PHLDB2: variants seen among roughly 807,000 people sequenced by gnomAD.
PHLDB2 encodes the protein pleckstrin homology-like domain family B member 2.
In PHLDB2, 71 loss-of-function variants were observed where a neutral mutation model predicts 123.6. The ratio of observed to expected loss-of-function variants is 0.57; its 90% CI spans 0.47 to 0.70. The LOEUF (loss-of-function observed/expected upper bound fraction) is 0.70. PHLDB2 is among the 30% of genes least tolerant of loss of function. The pLI is 0.00. For missense variants in PHLDB2, 1,446 were observed against 1,519.5 expected (o/e 0.95, Z 0.80); for synonymous variants, 547 against 541.6 (o/e 1.01, Z -0.14).
At chr3:111,829,699 T>A (rs2062842984) in intron 1 of PHLDB2, among the ~76,000 whole-genome samples, 1 of 152,038 alleles carries the variant, frequency 6.6e-6, no homozygotes, top group Non-Finnish European at 1.5e-5. Context: ...CCTGACCTGG[T>A]GATCCGCCCG....
At chr3:111,845,972 T>C (rs1452304688) in intron 2 of PHLDB2, 1 of 1,581,588 alleles carries the variant, frequency 6.3e-7, no homozygotes, top group South Asian at 1.1e-5. Context: ...CAGTACATAT[T>C]TACAAGTTCT....
At chr3:111,931,915 G>C (rs549797157) in intron 5 of PHLDB2, among the ~76,000 whole-genome samples, 2 of 152,264 alleles carry the variant, frequency 1.3e-5, no homozygotes, top group South Asian at 4.1e-4. Flanking sequence ...TCTTAGCAAG[G>C]CTTGCTTATG....
chr3:111,830,173 C>G (rs2062875285), intron 1 of PHLDB2, among the ~76,000 whole-genome samples: 1 of 152,092 alleles, frequency 6.6e-6, no homozygotes, highest in Non-Finnish European at 1.5e-5. Flanking sequence ...AGCAAAACAG[C>G]TTTTACTCTT....
At chr3:111,932,165 A>G in intron 5 of PHLDB2, 104 bp from the exon 6 acceptor site, 2 of 1,244,244 alleles carry the variant, frequency 1.6e-6, no homozygotes, top group Non-Finnish European at 2.2e-6. Context: ...GATTGTCCAG[A>G]GTTTGTGTAT....
At chr3:111,803,501 C>T (rs111811098) in intron 1 of PHLDB2, among the ~76,000 whole-genome samples, 9,812 of 151,662 alleles carry the variant, frequency 0.065, 394 homozygotes, top group Admixed American at 0.11. Flanking sequence ...TCCCAGAATT[C>T]GAGCTGTGAG....
chr3:111,915,812 G>A (rs981888310), intron 3 of PHLDB2: 7 of 152,256 alleles, frequency 4.6e-5, no homozygotes, highest in Admixed American at 4.6e-4. Flanking sequence ...ATCTGTTTCT[G>A]TGGGCAGAGA....
chr3:111,923,310 T>C (rs1559905638), intron 5 of PHLDB2, among the ~76,000 whole-genome samples: 1 of 152,184 alleles, frequency 6.6e-6, no homozygotes, highest in African/African-American at 2.4e-5. Context: ...ACAGCTCTTT[T>C]CTTGGTGCTT....
At chr3:111,932,479 G>A (rs563454157) in intron 6 of PHLDB2, 82 bp downstream of exon 6, 29 of 1,399,108 alleles carry the variant, frequency 2.1e-5, no homozygotes, top group African/African-American at 1.0e-4. Flanking sequence ...TGTGACTTAC[G>A]ACTTCATATA....
chr3:111,885,601 C>G (rs897811796), intron 2 of PHLDB2, 189 bp downstream of exon 2: 1 of 818,752 alleles, frequency 1.2e-6, no homozygotes, highest in Non-Finnish European at 2.0e-6. Context: ...GCTTGTTTGG[C>G]TATCTTGAAG....
chr3:111,884,557 T>A lies in PHLDB2; in HGVS notation c.480T>A (p.Asn160Lys), dbSNP rs1019382430. 5.6e-6 allele frequency: 9 copies of A among 1,613,936 alleles called. No homozygotes were observed. Among genetic ancestry groups the A allele is most frequent in the Admixed American group, 5.0e-5 (3 of 60,000 alleles). The change falls in exon 2 of 18, where the codon AAT becomes AAA. Residue 160 changes from asparagine (N) to lysine (K), a missense_variant. Coordinates refer to ENST00000431670, the MANE Select transcript of PHLDB2 (RefSeq NM_001134438.2). The part of the protein sequence containing the change: ...KYSSRHKSHD[N>K]VYSLGGLEGR... ...GCTCAAGGCATAAATCGCATGACAA[T>A]GTCTACTCTCTTGGAGGGCTGGAAG...
chr3:111,734,102 G>A (rs1220612478), intron 1 of PHLDB2, among the ~76,000 whole-genome samples: 1 of 152,138 alleles, frequency 6.6e-6, no homozygotes, highest in East Asian at 1.9e-4. Context: ...TGTGACTTTG[G>A]GTAAGTCTGT....
intron 3 of PHLDB2, chr3:111,913,957 A>T (rs1033617221): frequency 6.3e-6 from 3 of 477,106 alleles, no homozygotes; most frequent in Admixed American, 3.9e-5. Context: ...GCACCCTTTC[A>T]GGTTGTACAC....
At chr3:111,966,978 G>GT (rs1185297228) in intron 14 of PHLDB2, among the ~76,000 whole-genome samples, 4 of 149,014 alleles carry the variant, frequency 2.7e-5, no homozygotes, top group South Asian at 2.1e-4. Context: ...TTTTTTTTTT[G>GT]TTTTTTGTTT....
At chr3:111,789,484 T>C (rs1460097402) in intron 1 of PHLDB2, among the ~76,000 whole-genome samples, 1 of 152,222 alleles carries the variant, frequency 6.6e-6, no homozygotes, top group African/African-American at 2.4e-5. Flanking sequence ...AGAAGAAAGA[T>C]TTAACTGCTC....
chr3:111,818,070 G>C (rs553997527), intron 1 of PHLDB2, among the ~76,000 whole-genome samples: 14 of 152,054 alleles, frequency 9.2e-5, no homozygotes, highest in Admixed American at 2.6e-4. Context: ...AAAGGCCTTT[G>C]ATATAAGGTT....
rs769696743 is a variant in PHLDB2, at chr3:111,969,693, C to T, written c.3319C>T (p.Arg1107Cys). Residue 1107 changes from arginine to cysteine, a missense_variant, in exon 16 of 18, where the codon CGT (arginine) becomes TGT (cysteine). This residue lies in a region of PHLDB2 where 594 missense variants were observed against 646.0 expected (regional missense o/e 0.92). Transcript: ENST00000431670. ...AATGGGTTTTGCACTTTTCCAGGCT[C>T]GTCCTTTGACACGCTACCTGCCTGT... The part of the protein sequence containing the change: ...KIRERQRAQA[R>C]PLTRYLPVRK... 10 of 1,613,558 alleles carry T rather than the reference C, an allele frequency of 6.2e-6. No individual in the cohort carries two copies. Among genetic ancestry groups the T allele is most frequent in the Non-Finnish European group, 5.1e-6 (6 of 1,179,702 alleles).
At chr3:111,842,079 G>A (rs1576847742) in intron 1 of PHLDB2, among the ~76,000 whole-genome samples, 1 of 152,064 alleles carries the variant, frequency 6.6e-6, no homozygotes, top group Non-Finnish European at 1.5e-5. Context: ...GTAAATTTAG[G>A]GAAAAGTACC....
At chr3:111,817,698 A>G (rs1488759622) in intron 1 of PHLDB2, among the ~76,000 whole-genome samples, 1 of 152,292 alleles carries the variant, frequency 6.6e-6, no homozygotes, top group Admixed American at 6.5e-5. Context: ...CCAGGTAGAC[A>G]TAGCCCAGCG....
intron 1 of PHLDB2, among the ~76,000 whole-genome samples, chr3:111,758,280 T>C (rs1426358677): frequency 1.3e-5 from 2 of 152,198 alleles, no homozygotes; most frequent in South Asian, 2.1e-4. Flanking sequence ...CCCGCCTGCT[T>C]TGTTTACCTA....
Sources: allele counts gnomAD v4.1 joint callset (sites outside exome capture counted in the v4.1 genomes callset), GRCh38; gene constraint gnomAD v4.1.1; regional missense constraint gnomAD v4.1.1; transcripts MANE v1.5; gene names NCBI Gene and HGNC (gene_info 2026-07-23, HGNC 2026-07-21).